The following SLC44A5 variants were observed in gnomAD, a reference collection of about 807,000 sequenced individuals.
SLC44A5 encodes the protein choline transporter-like protein 5.
A neutral mutation model predicts 101.8 loss-of-function variants in SLC44A5; 57 were observed. The observed-to-expected ratio is 0.56, with a 90% CI of 0.45 to 0.70. The LOEUF is 0.70. Ranked by LOEUF, SLC44A5 falls within the 30% of genes least tolerant of loss-of-function variation. The pLI is 0.00. For missense variants in SLC44A5, 737 were observed against 853.1 expected, an observed-to-expected ratio of 0.86 and a Z score of 1.70; for synonymous variants, 281 against 290.9, an observed-to-expected ratio of 0.97 and a Z score of 0.35.
At chr1:75,416,677 GA>G (rs1416305893) in intron 2 of SLC44A5, among the ~76,000 whole-genome samples, 2 of 152,198 alleles carry the variant, frequency 1.3e-5, no homozygotes, top group Admixed American at 1.3e-4. Flanking sequence ...GCTGTACCCT[GA>G]AAAGCCACAG....
At chr1:75,558,071 T>C (rs1017496732) in intron 1 of SLC44A5, among the ~76,000 whole-genome samples, 2 of 152,132 alleles carry the variant, frequency 1.3e-5, no homozygotes, top group Non-Finnish European at 2.9e-5. Flanking sequence ...AATCTAATGA[T>C]GACAATTTGA....
intron 3 of SLC44A5, among the ~76,000 whole-genome samples, chr1:75,361,663 T>C (rs1224664540): frequency 2.0e-5 from 3 of 152,164 alleles, no homozygotes; most frequent in Non-Finnish European, 4.4e-5. Context: ...TATTTGCATA[T>C]GTTGAATCAT....
intron 4 of SLC44A5, among the ~76,000 whole-genome samples, chr1:75,301,185 C>T (rs1654423051): frequency 6.6e-6 from 1 of 151,974 alleles, no homozygotes; most frequent in African/African-American, 2.4e-5. Context: ...ATTCCAGGAA[C>T]AAGGTATATA....
chr1:75,404,216 C>T (rs1316017117), intron 2 of SLC44A5, among the ~76,000 whole-genome samples: 3 of 152,052 alleles, frequency 2.0e-5, no homozygotes, highest in Non-Finnish European at 2.9e-5. Context: ...GACCAACCTA[C>T]GTTTGATTGG....
chr1:75,208,902 T>C (rs1466575008), intron 23 of SLC44A5, among the ~76,000 whole-genome samples: 1 of 152,174 alleles, frequency 6.6e-6, no homozygotes, highest in East Asian at 1.9e-4. Context: ...ATGGTTTGCA[T>C]TGTAAAAATC....
intron 1 of SLC44A5, among the ~76,000 whole-genome samples, chr1:75,591,837 T>A (rs1251247167): frequency 3.3e-5 from 5 of 149,272 alleles, no homozygotes; most frequent in Non-Finnish European, 4.5e-5. Context: ...CCTTTCATGA[T>A]AAAAAAAAAA....
intron 2 of SLC44A5, among the ~76,000 whole-genome samples, chr1:75,478,961 C>T (rs1001274463): frequency 2.6e-5 from 4 of 152,172 alleles, no homozygotes; most frequent in Non-Finnish European, 4.4e-5. Context: ...TGTTTCAGCA[C>T]CACACCACAC....
chr1:75,206,756 G>T, intron 23 of SLC44A5: 1 of 1,165,128 alleles, frequency 8.6e-7, no homozygotes, highest in Non-Finnish European at 1.3e-6. Flanking sequence ...AAAAGCAGAA[G>T]CAGCAGAACA....
intron 4 of SLC44A5, among the ~76,000 whole-genome samples, chr1:75,312,309 A>G (rs1325473004): frequency 6.6e-6 from 1 of 152,286 alleles, no homozygotes; most frequent in Admixed American, 6.5e-5. Flanking sequence ...TAGCATGAGA[A>G]CAGACTAATA....
At chr1:75,599,492 C>T (rs1324793360) in intron 1 of SLC44A5, among the ~76,000 whole-genome samples, 1 of 152,006 alleles carries the variant, frequency 6.6e-6, no homozygotes, top group African/African-American at 2.4e-5. Context: ...TGAAGACCCA[C>T]ATGAAGATTG....
chr1:75,383,485 G>T (rs139791132), intron 3 of SLC44A5, among the ~76,000 whole-genome samples: 3 of 152,180 alleles, frequency 2.0e-5, no homozygotes, highest in Admixed American at 6.5e-5. Flanking sequence ...ATGAAATGAA[G>T]CGAGAAGGGA....
At chr1:75,214,024 GT>G in intron 20 of SLC44A5, 35 bp from the exon 21 acceptor site, 1 of 1,313,856 alleles carries the variant, frequency 7.6e-7, no homozygotes, top group South Asian at 1.3e-5. Context: ...ATAATTCTGT[GT>G]TTAAAATATA....
In SLC44A5 at chr1:75,401,289, T is replaced by C. The variant is rs145147030; in HGVS notation, c.14-4668A>G. Reference sequence around the variant, plus strand: ...TCTAACTGGATATCAAATTCTATGCTGGGCACTGGAACTACATAGGTGAAC... The same window carrying C: ...TCTAACTGGATATCAAATTCTATGCCGGGCACTGGAACTACATAGGTGAAC... On this transcript the variant is annotated intron_variant, in intron 2 of 23. Coordinates refer to ENST00000370859, the MANE Select transcript of SLC44A5 (RefSeq NM_001130058.2). Among the ~76,000 whole-genome samples, 700 of 152,352 alleles carry C rather than the reference T, an allele frequency of 4.6e-3. 6 individuals are homozygous for C. The highest frequency in any genetic ancestry group is 0.016 in the African/African-American group (674 of 41,580).
chr1:75,340,863 G>T (rs1160233596), intron 3 of SLC44A5, among the ~76,000 whole-genome samples: 1 of 152,234 alleles, frequency 6.6e-6, no homozygotes, highest in Admixed American at 6.5e-5. Context: ...CTTTCAGAAA[G>T]AAGTTATTGA....
rs113630848 is a variant in SLC44A5, at chr1:75,388,821, C to T, written c.52+7762G>A. 9.4e-3 allele frequency among the ~76,000 whole-genome samples: 1,424 copies of T among 151,544 alleles called. 26 individuals are homozygous for T. Among genetic ancestry groups the T allele is most frequent in the African/African-American group, 0.033 (1,344 of 41,322 alleles). ...CAAAAACTCACATATCAATATTAACCTTGAATATAAGTGGCCTAAACACCC... is the reference window on the plus strand; with the variant it reads ...CAAAAACTCACATATCAATATTAACTTTGAATATAAGTGGCCTAAACACCC... On this transcript the variant is annotated intron_variant, in intron 3 of 23. Transcript: ENST00000370859.
At chr1:75,334,850 A>G (rs1657318378) in intron 4 of SLC44A5, among the ~76,000 whole-genome samples, 1 of 152,216 alleles carries the variant, frequency 6.6e-6, no homozygotes, top group Non-Finnish European at 1.5e-5. Flanking sequence ...TCTGAAAAAT[A>G]TCCTCTGATC....
At chr1:75,564,586 T>C (rs1490510542) in intron 1 of SLC44A5, among the ~76,000 whole-genome samples, 1 of 150,794 alleles carries the variant, frequency 6.6e-6, no homozygotes, top group Non-Finnish European at 1.5e-5. Context: ...GATTTATTTA[T>C]TTACTTTTTT....
At chr1:75,266,691 T>G (rs1651019167) in intron 6 of SLC44A5, among the ~76,000 whole-genome samples, 1 of 152,222 alleles carries the variant, frequency 6.6e-6, no homozygotes, top group Non-Finnish European at 1.5e-5. Flanking sequence ...TTATCTGTGT[T>G]ACCCCTTTTT....
chr1:75,389,777 T>C (rs1661659616), intron 3 of SLC44A5, among the ~76,000 whole-genome samples: 1 of 151,542 alleles, frequency 6.6e-6, no homozygotes, highest in African/African-American at 2.4e-5. Context: ...AACAAACTAA[T>C]CCCAAAGCTG....
Sources: gnomAD v4.1 joint callset for allele counts (sites outside exome capture counted in the v4.1 genomes callset) on GRCh38, gnomAD v4.1.1 for gene constraint, MANE v1.5 for transcripts, NCBI Gene and HGNC (gene_info 2026-07-23, HGNC 2026-07-21) for gene names.